The following BCL7B variants were observed in gnomAD, a reference collection of about 807,000 sequenced individuals.
The protein encoded by BCL7B is B-cell CLL/lymphoma 7 protein family member B.
In BCL7B, 11 loss-of-function variants were observed where a neutral mutation model predicts 26.5. The ratio of observed to expected loss-of-function variants is 0.42; its 90% CI spans 0.26 to 0.69. The LOEUF (loss-of-function observed/expected upper bound fraction) is 0.69. BCL7B is among the 30% of genes least tolerant of loss of function. BCL7B has a pLI of 0.28. For synonymous variants in BCL7B, 111 were observed against 107.9 expected (o/e 1.03, Z -0.18); for missense variants, 215 against 264.4 (o/e 0.81, Z 1.30).
Position 73,539,999 on chromosome 7 carries a change from T to C in BCL7B, c.319A>G (p.Ser107Gly). The C allele has an allele frequency of 6.2e-7, 1 of 1,614,130 alleles. No individual in the cohort carries two copies. The highest frequency in any genetic ancestry group is 8.5e-7 in the Non-Finnish European group (1 of 1,180,036). Residue 107 changes from serine (S) to glycine (G), a missense_variant, in exon 4 of 6, where the codon AGC becomes GGC. Coordinates refer to ENST00000223368, the MANE Select transcript of BCL7B (RefSeq NM_001707.4). ...VSDVYQLKVD[S>G]STNSSPSPQQ... ...GGGCTGGGGCTTGAGTTGGTGCTGC[T>C]GTCCACCTTAAGCTGATAGACGTCA...
At chr7:73,546,303 T>A (rs1284835403) in intron 2 of BCL7B, among the ~76,000 whole-genome samples, 2 of 152,058 alleles carry the variant, frequency 1.3e-5, no homozygotes, top group Non-Finnish European at 2.9e-5. Flanking sequence ...CAGAACAGTC[T>A]GTACCAGAAG....
intron 1 of BCL7B, chr7:73,556,901 C>CT: frequency 2.1e-6 from 2 of 937,958 alleles, no homozygotes; most frequent in Non-Finnish European, 2.5e-6. Context: ...AAGGACTCTC[C>CT]TGACAGCCGC....
At position 73,539,904 on chromosome 7, in the gene BCL7B, C is replaced by T. The variant is rs782130042; in HGVS notation, c.414G>A (p.Thr138=). ...DFRTDDSQPP[T]LGQEILEEPS... ...CACCCTCCAGGATCTCCTGGCCCAG[C>T]GTTGGGGGCTGGGAGTCATCCGTGC... is the stretch of plus-strand genomic sequence containing the variant. Residue 138 remains threonine, a synonymous_variant, in exon 4 of 6, where the codon ACG becomes ACA. Coordinates refer to ENST00000223368, the MANE Select transcript of BCL7B (RefSeq NM_001707.4). 18 of 1,613,708 alleles carry T rather than the reference C, an allele frequency of 1.1e-5. No homozygotes were observed. The highest frequency in any genetic ancestry group is 6.6e-5 in the South Asian group (6 of 91,076).
chr7:73,547,160 AAAGC>A (rs1207957065), intron 2 of BCL7B, among the ~76,000 whole-genome samples: 11 of 152,068 alleles, frequency 7.2e-5, no homozygotes, highest in African/African-American at 2.4e-4. Context: ...CTCAAAAAAA[AAAGC>A]AAGCAAGCAA....
chr7:73,552,354 G>T, intron 1 of BCL7B, 112 bp from the exon 2 acceptor site: 2 of 878,212 alleles, frequency 2.3e-6, no homozygotes, highest in Non-Finnish European at 3.7e-6. Flanking sequence ...GAATCCTTCT[G>T]AACTTCCTCT....
chr7:73,538,079 CT>C, intron 4 of BCL7B, 66 bp from the exon 5 acceptor site: 1 of 1,078,106 alleles, frequency 9.3e-7, no homozygotes, highest in Non-Finnish European at 1.3e-6. Flanking sequence ...GGGGAGCTTC[CT>C]TAGAGCTGTG....
chr7:73,541,133 CGA>C (rs1320204519), intron 3 of BCL7B, among the ~76,000 whole-genome samples: 2 of 151,650 alleles, frequency 1.3e-5, no homozygotes, highest in Non-Finnish European at 2.9e-5. Context: ...GGTGACATGG[CGA>C]GACTCCGTCT....
chr7:73,557,382 C>A, intron 1 of BCL7B, 105 bp downstream of exon 1: 1 of 1,182,702 alleles, frequency 8.5e-7, no homozygotes, highest in Non-Finnish European at 1.1e-6. Context: ...CCGCACCCCC[C>A]TCCCCCAGCG....
At chr7:73,552,400 C>A (rs1792208039) in intron 1 of BCL7B, among the ~76,000 whole-genome samples, 158 bp from the exon 2 acceptor site, 1 of 151,972 alleles carries the variant, frequency 6.6e-6, no homozygotes, top group Non-Finnish European at 1.5e-5. Flanking sequence ...GAAATCCCAG[C>A]ACTTTGAGAG....
At chr7:73,541,538 G>A (rs1386106488) in intron 3 of BCL7B, among the ~76,000 whole-genome samples, 1 of 149,846 alleles carries the variant, frequency 6.7e-6, no homozygotes, top group African/African-American at 2.5e-5. Context: ...TGCTATCTCA[G>A]CTCACCACAA....
intron 4 of BCL7B, among the ~76,000 whole-genome samples, chr7:73,538,612 C>A (rs570855733): frequency 6.6e-6 from 1 of 151,784 alleles, no homozygotes; most frequent in Non-Finnish European, 1.5e-5. Context: ...CCCAGGAGTT[C>A]AAGACCAGCC....
chr7:73,540,983 C>G (rs966354283), intron 3 of BCL7B, among the ~76,000 whole-genome samples: 1 of 151,898 alleles, frequency 6.6e-6, no homozygotes, highest in Non-Finnish European at 1.5e-5. Flanking sequence ...CCCGTCTCTA[C>G]TGAAAATACA....
chr7:73,552,744 A>G (rs570370958), intron 1 of BCL7B, among the ~76,000 whole-genome samples: 3 of 151,714 alleles, frequency 2.0e-5, no homozygotes, highest in African/African-American at 7.3e-5. Flanking sequence ...TCACGCCACC[A>G]CACTCCAGCC....
chr7:73,556,208 A>G (rs1241531490), intron 1 of BCL7B, among the ~76,000 whole-genome samples: 1 of 152,242 alleles, frequency 6.6e-6, no homozygotes, highest in Admixed American at 6.5e-5. Flanking sequence ...CATAAAAAAG[A>G]GAAGGAACTT....
chr7:73,550,993 A>G (rs1343636948), intron 2 of BCL7B, among the ~76,000 whole-genome samples: 2 of 152,188 alleles, frequency 1.3e-5, no homozygotes, highest in Non-Finnish European at 2.9e-5. Flanking sequence ...AAAAATACAC[A>G]TATGAAACAA....
At position 73,557,542 on chromosome 7, in the gene BCL7B, G is replaced by T; in HGVS notation, c.37C>A (p.Arg13=). Reference sequence around the variant, plus strand: ...ACCTTCTTGATGTCGTCCTTGGCCCGGCTGCGGGTCTCCGCCCGGACCGAC... The same window carrying T: ...ACCTTCTTGATGTCGTCCTTGGCCCTGCTGCGGGTCTCCGCCCGGACCGAC... ...GRSVRAETRS[R]AKDDIKKVMA... The change falls in exon 1 of 6, where the codon CGG becomes AGG. Residue 13 remains arginine, a synonymous_variant. Transcript: ENST00000223368. The T allele has an allele frequency of 7.0e-7, 1 of 1,437,264 alleles. No homozygotes were observed. 89.0% of individuals were successfully genotyped at this position (1,437,264 alleles called of 1,614,324 possible).
At chr7:73,556,931 G>A (rs1460563031) in intron 1 of BCL7B, 10 of 987,392 alleles carry the variant, frequency 1.0e-5, no homozygotes, top group Non-Finnish European at 1.1e-5. Context: ...AAGAGAAAAT[G>A]CCTACCAAGC....
At position 73,555,401 on chromosome 7, in the gene BCL7B, C is replaced by CAAAAAAAAAA. The variant is rs71517395; in HGVS notation, c.92+2085_92+2086insTTTTTTTTTT. ...TGGGTGACAGAGCAAGACTCTGTCT[C>CAAAAAAAAAA]AAAAAAAAAGAAATCAAATATAGGA... On this transcript the variant is annotated intron_variant, in intron 1 of 5. Coordinates refer to ENST00000223368, the MANE Select transcript of BCL7B (RefSeq NM_001707.4). 3.7e-5 allele frequency among the ~76,000 whole-genome samples: 5 copies of CAAAAAAAAAA among 136,766 alleles called. 1 individual carries two copies. Among genetic ancestry groups the CAAAAAAAAAA allele is most frequent in the African/African-American group, 8.6e-5 (3 of 35,046 alleles). 89.7% of individuals were successfully genotyped at this position (136,766 alleles called of 152,430 possible). A position where few individuals can be genotyped will look rare whatever the true frequency, so the allele number is the denominator to read the frequency against.
At chr7:73,555,103 G>A (rs1328903747) in intron 1 of BCL7B, among the ~76,000 whole-genome samples, 7 of 151,812 alleles carry the variant, frequency 4.6e-5, no homozygotes, top group Admixed American at 4.6e-4. Context: ...ATTTTTGTAG[G>A]TTAATTAGTC....
Sources: gnomAD v4.1 joint callset for allele counts (sites outside exome capture counted in the v4.1 genomes callset) on GRCh38, gnomAD v4.1.1 for gene constraint, MANE v1.5 for transcripts, NCBI Gene and HGNC (gene_info 2026-07-23, HGNC 2026-07-21) for gene names.